Variants in FAR2 observed in about 807,000 individuals in gnomAD.
The protein encoded by FAR2 is epididymis secretory protein Li 81.
In FAR2, 19 loss-of-function variants were observed where a neutral mutation model predicts 56.0. That is an observed-to-expected ratio of 0.34 (90% CI 0.24 to 0.50). FAR2 has a LOEUF of 0.50. Among genes scored for constraint, FAR2 ranks in the 20% least tolerant of loss-of-function variants. The pLI, the probability that FAR2 is intolerant of heterozygous loss-of-function variation, is 0.98. For missense variants in FAR2, 508 were observed against 642.2 expected, an observed-to-expected ratio of 0.79 and a Z score of 2.26; for synonymous variants, 219 against 218.8, an observed-to-expected ratio of 1.00 and a Z score of -0.01.
chr12:29,206,855 C>T (rs922866705), intron 1 of FAR2, among the ~76,000 whole-genome samples: 4 of 152,004 alleles, frequency 2.6e-5, no homozygotes, highest in Non-Finnish European at 5.9e-5. Context: ...GTGTGAGCAT[C>T]GGATAGGTCA....
intron 2 of FAR2, 138 bp downstream of exon 2, chr12:29,270,776 C>G (rs971701166): frequency 3.1e-6 from 2 of 643,744 alleles, no homozygotes; most frequent in Admixed American, 7.6e-5. Flanking sequence ...CAAAACAAGA[C>G]AGCAACAAGC....
At chr12:29,220,384 G>A (rs1253126227) in intron 1 of FAR2, among the ~76,000 whole-genome samples, 1 of 152,144 alleles carries the variant, frequency 6.6e-6, no homozygotes, top group East Asian at 1.9e-4. Flanking sequence ...GAGCATATAG[G>A]AAAGATTTTA....
chr12:29,332,575 A>C (rs1949745576), intron 10 of FAR2, 25 bp from the exon 11 acceptor site: 1 of 1,612,966 alleles, frequency 6.2e-7, no homozygotes, highest in Admixed American at 1.7e-5. Flanking sequence ...AATTCTGGCA[A>C]TCTATAATCT....
At chr12:29,318,140 A>G (rs1047172601) in intron 9 of FAR2, among the ~76,000 whole-genome samples, 3 of 152,200 alleles carry the variant, frequency 2.0e-5, no homozygotes, top group Admixed American at 2.0e-4. Flanking sequence ...TAGCCCCTTT[A>G]TAAGGGAGGA....
In FAR2 at chr12:29,334,756, C is replaced by T. The variant is rs1406190111; in HGVS notation, c.*962C>T. ...TTCTGGTATAAAGTGGGGAAGATTACACTTATGTGATCACCAAAGGATTTA... is the reference window on the plus strand; with the variant it reads ...TTCTGGTATAAAGTGGGGAAGATTATACTTATGTGATCACCAAAGGATTTA... On this transcript the variant is annotated 3_prime_UTR_variant, in exon 12 of 12. Coordinates refer to ENST00000536681, the MANE Select transcript of FAR2 (RefSeq NM_001271783.2). The T allele has an allele frequency of 1.3e-5, 2 of 152,144 alleles. No individual in the cohort carries two copies. Among genetic ancestry groups the T allele is most frequent in the South Asian group, 2.1e-4 (1 of 4,834 alleles). 9.4% of individuals were successfully genotyped at this position (152,144 alleles called of 1,614,324 possible).
At chr12:29,311,238 A>C (rs1949346531) in intron 7 of FAR2, 92 bp downstream of exon 7, 2 of 842,358 alleles carry the variant, frequency 2.4e-6, no homozygotes, top group Admixed American at 3.9e-5. Context: ...TTCATTGTAC[A>C]AGACCCCAAA....
In FAR2 at chr12:29,334,877, T is replaced by C. The variant is rs1032171961; in HGVS notation, c.*1083T>C. 2.0e-5 allele frequency: 3 copies of C among 152,086 alleles called. No individual in the cohort carries two copies. The highest frequency in any genetic ancestry group is 2.9e-5 in the Non-Finnish European group (2 of 67,994). 9.4% of individuals were successfully genotyped at this position (152,086 alleles called of 1,614,324 possible). ...ACTAAGGGATTCTAAGTTTAGAAAA[T>C]AGGTTTTGTTTTCTTAAAAAATTTT... On this transcript the variant is annotated 3_prime_UTR_variant, in exon 12 of 12. Transcript: ENST00000536681.
At chr12:29,299,968 T>C (rs1949135636) in intron 4 of FAR2, among the ~76,000 whole-genome samples, 2 of 152,268 alleles carry the variant, frequency 1.3e-5, no homozygotes, top group Non-Finnish European at 2.9e-5. Context: ...TCATTCTGAA[T>C]GTCTGGTTGC....
intron 1 of FAR2, among the ~76,000 whole-genome samples, chr12:29,152,558 C>T (rs899870281): frequency 2.6e-5 from 4 of 152,186 alleles, no homozygotes; most frequent in African/African-American, 4.8e-5. Context: ...GATCAAACTC[C>T]TTTATTAAGG....
intron 9 of FAR2, among the ~76,000 whole-genome samples, chr12:29,318,916 C>T (rs1292627009): frequency 6.6e-6 from 1 of 152,028 alleles, no homozygotes; most frequent in Non-Finnish European, 1.5e-5. Flanking sequence ...GGTGACCCTC[C>T]CTAAGGAAGA....
intron 1 of FAR2, among the ~76,000 whole-genome samples, chr12:29,256,832 C>T (rs1948326440): frequency 6.6e-6 from 1 of 152,250 alleles, no homozygotes; most frequent in Non-Finnish European, 1.5e-5. Flanking sequence ...AGTGCCAGCC[C>T]AACGGCGCTG....
chr12:29,288,196 C>CT (rs1948906173), intron 2 of FAR2, among the ~76,000 whole-genome samples: 1 of 152,128 alleles, frequency 6.6e-6, no homozygotes, highest in Non-Finnish European at 1.5e-5. Flanking sequence ...CTTAGATCAC[C>CT]TTTCAGCTGT....
chr12:29,204,019 A>AAAAAAAG (rs1565469976), intron 1 of FAR2, among the ~76,000 whole-genome samples: 7 of 122,374 alleles, frequency 5.7e-5, no homozygotes, highest in Non-Finnish European at 8.9e-5. Flanking sequence ...AAAAAAAAAA[A>AAAAAAAG]AAAAGAAAAT....
intron 2 of FAR2, among the ~76,000 whole-genome samples, chr12:29,287,264 C>T (rs1470685151): frequency 2.0e-5 from 3 of 152,184 alleles, no homozygotes; most frequent in Non-Finnish European, 4.4e-5. Flanking sequence ...AGTTGACAGC[C>T]ATACTACTAC....
At chr12:29,257,170 C>T (rs1486963650) in intron 1 of FAR2, among the ~76,000 whole-genome samples, 1 of 152,130 alleles carries the variant, frequency 6.6e-6, no homozygotes, top group African/African-American at 2.4e-5. Flanking sequence ...CACCAATAGG[C>T]ACTCTGTATC....
intron 1 of FAR2, among the ~76,000 whole-genome samples, chr12:29,221,121 T>C (rs1947684936): frequency 6.6e-6 from 1 of 152,074 alleles, no homozygotes; most frequent in South Asian, 2.1e-4. Context: ...CAGGGGCGTA[T>C]TCCTGTAAGG....
intron 1 of FAR2, among the ~76,000 whole-genome samples, chr12:29,161,044 A>G (rs1366589171): frequency 1.1e-4 from 16 of 152,212 alleles, no homozygotes; most frequent in Non-Finnish European, 2.4e-4. Context: ...AAAAAAGTAC[A>G]TATATTTTTG....
At chr12:29,268,704 T>C (rs766075064) in intron 1 of FAR2, among the ~76,000 whole-genome samples, 142 of 152,300 alleles carry the variant, frequency 9.3e-4, no homozygotes, top group African/African-American at 3.3e-3. Context: ...ATATTATTTA[T>C]TGGGGAACCT....
chr12:29,185,956 T>G (rs1950036500), intron 1 of FAR2, among the ~76,000 whole-genome samples: 1 of 152,238 alleles, frequency 6.6e-6, no homozygotes, highest in East Asian at 1.9e-4. Context: ...CATGATGTTC[T>G]GGGCTTAGCA....
Sources: gnomAD v4.1 joint callset for allele counts (sites outside exome capture counted in the v4.1 genomes callset) on GRCh38, gnomAD v4.1.1 for gene constraint, MANE v1.5 for transcripts, NCBI Gene and HGNC (gene_info 2026-07-23, HGNC 2026-07-21) for gene names.